Variants in ATRNL1 observed in about 807,000 individuals in gnomAD.
ATRNL1 encodes the protein attractin-like protein 1.
Under a neutral mutation model 182.7 loss-of-function variants are expected in ATRNL1, and 95 were observed. The ratio of observed to expected loss-of-function variants is 0.52; its 90% confidence interval spans 0.44 to 0.62. The LOEUF is 0.62. ATRNL1 is among the 20% of genes least tolerant of loss of function. ATRNL1 has a pLI of 0.00. For synonymous variants in ATRNL1, 576 were observed against 568.3 expected, an observed-to-expected ratio of 1.01 and a Z score of -0.19; for missense variants, 1,471 against 1,679.5, an observed-to-expected ratio of 0.88 and a Z score of 2.17.
At chr10:115,172,808 A>C (rs1221943293) in intron 8 of ATRNL1, among the ~76,000 whole-genome samples, 9 of 149,366 alleles carry the variant, frequency 6.0e-5, no homozygotes, top group Admixed American at 3.4e-4. Context: ...AAACGTACCT[A>C]GCTTTAAATT....
intron 21 of ATRNL1, among the ~76,000 whole-genome samples, chr10:115,461,554 G>A (rs973621139): frequency 3.3e-5 from 5 of 151,942 alleles, no homozygotes; most frequent in African/African-American, 9.7e-5. Flanking sequence ...TTATGAAAAT[G>A]TCTATCTTTA....
chr10:115,775,655 G>A (rs976559472), intron 27 of ATRNL1, among the ~76,000 whole-genome samples: 3 of 151,966 alleles, frequency 2.0e-5, no homozygotes, highest in African/African-American at 7.2e-5. Flanking sequence ...GTACAATAAG[G>A]GTTTAAGAAG....
chr10:115,729,253 T>G (rs1007421514), intron 27 of ATRNL1, among the ~76,000 whole-genome samples: 7 of 152,208 alleles, frequency 4.6e-5, no homozygotes, highest in African/African-American at 1.7e-4. Flanking sequence ...TTTATCATTG[T>G]GAATTTTTAA....
chr10:115,770,139 T>G (rs1555075977), intron 27 of ATRNL1, among the ~76,000 whole-genome samples: 2 of 152,020 alleles, frequency 1.3e-5, no homozygotes, highest in Non-Finnish European at 2.9e-5. Context: ...TGAAGGGTTT[T>G]TTTTTTAAAA....
At chr10:115,421,453 A>C (rs634947) in intron 20 of ATRNL1, among the ~76,000 whole-genome samples, 56,057 of 151,994 alleles carry the variant, frequency 0.37, 11,249 homozygotes, top group African/African-American at 0.53. Context: ...CCATAGGATC[A>C]TCTCAATAGA....
chr10:115,703,703 T>C (rs1207394672), intron 26 of ATRNL1, among the ~76,000 whole-genome samples: 1 of 151,708 alleles, frequency 6.6e-6, no homozygotes, highest in East Asian at 1.9e-4. Flanking sequence ...ATATAATCTT[T>C]TGTATATTTA....
intron 25 of ATRNL1, among the ~76,000 whole-genome samples, chr10:115,531,782 AT>A (rs2133749012): frequency 6.7e-6 from 1 of 149,146 alleles, no homozygotes; most frequent in East Asian, 2.0e-4. Flanking sequence ...TAAGTCTTTA[AT>A]CCATCTTGAA....
intron 28 of ATRNL1, among the ~76,000 whole-genome samples, chr10:115,857,732 A>G (rs1042153834): frequency 8.5e-5 from 13 of 152,228 alleles, no homozygotes; most frequent in African/African-American, 3.1e-4. Context: ...AAAATGGCTA[A>G]TTAAACATGC....
chr10:115,890,015 A>G (rs71472878), intron 28 of ATRNL1, among the ~76,000 whole-genome samples: 1,677 of 152,296 alleles, frequency 0.011, 11 homozygotes, highest in Non-Finnish European at 0.018. Flanking sequence ...CAACAGCCAC[A>G]AAGTACCTTG....
At position 115,609,104 on chromosome 10, in the gene ATRNL1, C is replaced by T. The variant is rs147470685; in HGVS notation, c.3795+59568C>T. Among the ~76,000 whole-genome samples the T allele has an allele frequency of 3.2e-4, 48 of 152,024 alleles. No individual in the cohort carries two copies. In the East Asian group the frequency reaches 6.9e-3, roughly 22 times the overall value. Reference sequence around the variant, plus strand: ...TTTATCTATTTTTATGTTATTAAAACGGGTTAACACTAATTCACGTGAGTT... The same window carrying T: ...TTTATCTATTTTTATGTTATTAAAATGGGTTAACACTAATTCACGTGAGTT... On this transcript the variant is annotated intron_variant, in intron 26 of 28. Transcript: ENST00000355044.
chr10:115,215,775 A>G lies in ATRNL1; in HGVS notation c.1427A>G (p.Glu476Gly). 6.2e-7 allele frequency: 1 copy of G among 1,610,356 alleles called. No individual in the cohort carries two copies. Among genetic ancestry groups the G allele is most frequent in the Non-Finnish European group, 8.5e-7 (1 of 1,178,596 alleles). ...TATGGCCATACTAGTGTGTATGATG[A>G]AATAACAAAGTCCATTTATGTTCAT... is the stretch of plus-strand genomic sequence containing the variant. ...GGYGHTSVYDEITKSIYVHGG... is the reference protein window; with the variant it reads ...GGYGHTSVYDGITKSIYVHGG... Residue 476 changes from glutamate (E) to glycine (G), a missense_variant, in exon 9 of 29, where the codon GAA (glutamate) becomes GGA (glycine). Physicochemically the swap from Glu to Gly is moderately conservative, Grantham distance 98. Around this residue, in one of 3 missense-constraint regions of ATRNL1, gnomAD observed 1,031 missense variants for 1,156.0 expected, o/e 0.89. Coordinates refer to ENST00000355044, the MANE Select transcript of ATRNL1 (RefSeq NM_207303.4).
chr10:115,200,835 G>A (rs1481961061), intron 8 of ATRNL1, among the ~76,000 whole-genome samples: 2 of 147,328 alleles, frequency 1.4e-5, no homozygotes, highest in Non-Finnish European at 3.0e-5. Context: ...CTAGTTTACA[G>A]TCCCACCAAC....
rs1555070850 is a variant in ATRNL1, at chr10:115,752,417, G to T, written c.3903+25062G>T. ...TGAGCAAACTCTGTTATAGGCAGTA[G>T]GGTTCAGTGATTTTTAAAACAGTCA... On this transcript the variant is annotated intron_variant, in intron 27 of 28. Transcript: ENST00000355044. Among the ~76,000 whole-genome samples the T allele has an allele frequency of 3.3e-5, 5 of 152,014 alleles. 1 individual carries two copies. The South Asian group carries it at 6.2e-4, about 19-fold the overall frequency.
chr10:115,402,800 C>G (rs141153147), intron 20 of ATRNL1, among the ~76,000 whole-genome samples: 42 of 152,234 alleles, frequency 2.8e-4, no homozygotes, highest in African/African-American at 8.9e-4. Context: ...ATTTACTGAT[C>G]TTACAACTTC....
At chr10:115,765,457 A>G (rs1453715973) in intron 27 of ATRNL1, among the ~76,000 whole-genome samples, 2 of 152,132 alleles carry the variant, frequency 1.3e-5, no homozygotes, top group Non-Finnish European at 2.9e-5. Flanking sequence ...TGTGTGTATC[A>G]TCTTTGGTAA....
At chr10:115,714,658 T>C (rs1947192901) in intron 26 of ATRNL1, among the ~76,000 whole-genome samples, 1 of 152,166 alleles carries the variant, frequency 6.6e-6, no homozygotes, top group Non-Finnish European at 1.5e-5. Flanking sequence ...AACAGTTCAA[T>C]AGATTCATTA....
intron 27 of ATRNL1, among the ~76,000 whole-genome samples, chr10:115,826,628 G>A (rs1276632138): frequency 6.6e-5 from 10 of 152,064 alleles, no homozygotes; most frequent in African/African-American, 2.2e-4. Context: ...ATGAAGTCAC[G>A]GACACCGGAG....
In ATRNL1 at chr10:115,932,139, A is replaced by AAAG. The variant is rs200133884; in HGVS notation, c.4019-12518_4019-12516dup. On this transcript the variant is annotated intron_variant, in intron 28 of 28. Transcript: ENST00000355044. ...GGCACCATGATACTTTTTTCACTCA[A>AAAG]AAGGGCCAGCATTTATGGGATATAC... Among the ~76,000 whole-genome samples, 1,468 of 152,320 alleles carry AAAG rather than the reference A, an allele frequency of 9.6e-3. 22 individuals carry two copies. Among genetic ancestry groups the AAAG allele is most frequent in the African/African-American group, 0.034 (1,413 of 41,564 alleles).
intron 26 of ATRNL1, among the ~76,000 whole-genome samples, chr10:115,550,330 A>T (rs1852894961): frequency 6.6e-6 from 1 of 151,534 alleles, no homozygotes; most frequent in Non-Finnish European, 1.5e-5. Context: ...TTCTATATGG[A>T]TGGTTTTTGT....
Sources: allele counts gnomAD v4.1 joint callset (sites outside exome capture counted in the v4.1 genomes callset), GRCh38; gene constraint gnomAD v4.1.1; regional missense constraint gnomAD v4.1.1; transcripts MANE v1.5; gene names NCBI Gene and HGNC (gene_info 2026-07-23, HGNC 2026-07-21).